CDH13: variants seen among roughly 807,000 people sequenced by gnomAD.
The protein encoded by CDH13 is cadherin 13, also known as cadherin-13.
Under a neutral mutation model 63.8 loss-of-function variants are expected in CDH13, and 24 were observed. The ratio of observed to expected loss-of-function variants is 0.38; its 90% CI spans 0.27 to 0.53. The LOEUF is 0.53. CDH13 is among the 20% of genes least tolerant of loss of function. The pLI, the probability that CDH13 is intolerant of heterozygous loss-of-function variation, is 0.85. For synonymous variants in CDH13, 503 were observed against 355.3 expected (o/e 1.42, Z -4.67); for missense variants, 1,049 against 903.1 (o/e 1.16, Z -2.07).
intron 2 of CDH13, among the ~76,000 whole-genome samples, chr16:82,862,189 G>A (rs940466095): frequency 6.6e-6 from 1 of 152,148 alleles, no homozygotes; most frequent in African/African-American, 2.4e-5. Flanking sequence ...TGATCTGGGA[G>A]CTGACATCTT....
At chr16:82,944,539 T>C (rs896408417) in intron 2 of CDH13, among the ~76,000 whole-genome samples, 1 of 152,066 alleles carries the variant, frequency 6.6e-6, no homozygotes, top group East Asian at 1.9e-4. Flanking sequence ...GTTGTGACAG[T>C]GTGGACCAGG....
chr16:83,601,334 T>C (rs879402209), intron 7 of CDH13, among the ~76,000 whole-genome samples: 11 of 152,192 alleles, frequency 7.2e-5, no homozygotes. Context: ...CTTCTTCATC[T>C]TAGGATCAGG....
intron 1 of CDH13, among the ~76,000 whole-genome samples, chr16:82,632,702 A>G (rs966015478): frequency 7.3e-4 from 95 of 130,492 alleles, no homozygotes; most frequent in Non-Finnish European, 1.0e-3. Flanking sequence ...TCCACGGACT[A>G]GAATTGGGGG....
At chr16:83,791,990 C>T (rs1163139300) in intron 13 of CDH13, among the ~76,000 whole-genome samples, 1 of 152,176 alleles carries the variant, frequency 6.6e-6, no homozygotes, top group Admixed American at 6.5e-5. Context: ...AATACAGTTT[C>T]CTTTGCTATT....
chr16:82,776,315 A>C (rs1413359849), intron 1 of CDH13, among the ~76,000 whole-genome samples: 1 of 151,980 alleles, frequency 6.6e-6, no homozygotes, highest in Non-Finnish European at 1.5e-5. Flanking sequence ...GAAAAGAGAA[A>C]AGAAAAGAAA....
chr16:83,680,788 CA>C (rs911325592), intron 10 of CDH13, among the ~76,000 whole-genome samples: 19 of 151,968 alleles, frequency 1.3e-4, no homozygotes, highest in African/African-American at 4.6e-4. Context: ...TGACTTATGC[CA>C]AAAGGGGTCC....
At chr16:83,590,658 A>G (rs1906645826) in intron 7 of CDH13, among the ~76,000 whole-genome samples, 1 of 152,224 alleles carries the variant, frequency 6.6e-6, no homozygotes, top group Non-Finnish European at 1.5e-5. Context: ...TTCATTTTTC[A>G]TTTAAATTGC....
chr16:83,602,352 G>A (rs1376677856), intron 7 of CDH13, 102 bp from the exon 8 acceptor site: 1 of 1,111,052 alleles, frequency 9.0e-7, no homozygotes, highest in African/African-American at 1.5e-5. Context: ...TACCCTAGAT[G>A]GAGGAGGGGG....
At chr16:83,232,731 C>A (rs1003696953) in intron 5 of CDH13, among the ~76,000 whole-genome samples, 1 of 151,660 alleles carries the variant, frequency 6.6e-6, no homozygotes, top group Non-Finnish European at 1.5e-5. Context: ...AACCGTGAAC[C>A]AATTAAACCT....
chr16:83,730,079 C>T (rs1910872050), intron 10 of CDH13, among the ~76,000 whole-genome samples: 1 of 152,218 alleles, frequency 6.6e-6, no homozygotes, highest in Non-Finnish European at 1.5e-5. Flanking sequence ...TCTTGTCATG[C>T]TGTGTTCATC....
intron 1 of CDH13, among the ~76,000 whole-genome samples, chr16:82,681,198 C>G (rs536539185): frequency 3.6e-4 from 55 of 152,234 alleles, no homozygotes; most frequent in African/African-American, 1.3e-3. Context: ...GAATGAAGTA[C>G]TCTTACATGC....
chr16:83,440,160 C>CA (rs1387372669), intron 6 of CDH13, among the ~76,000 whole-genome samples: 1 of 152,114 alleles, frequency 6.6e-6, no homozygotes, highest in Non-Finnish European at 1.5e-5. Flanking sequence ...AAAGGAGGTT[C>CA]AAAAAGTGAA....
chr16:83,059,448 G>T (rs2031291979), intron 3 of CDH13, among the ~76,000 whole-genome samples: 2 of 152,148 alleles, frequency 1.3e-5, no homozygotes, highest in African/African-American at 4.8e-5. Context: ...TGCTCAAAAA[G>T]AACTGTCCAG....
At chr16:83,628,130 C>A (rs1910481506) in intron 8 of CDH13, among the ~76,000 whole-genome samples, 1 of 152,172 alleles carries the variant, frequency 6.6e-6, no homozygotes, top group Non-Finnish European at 1.5e-5. Context: ...GACCTGTATC[C>A]TGTGCCAACC....
chr16:83,081,988 C>T lies in CDH13; in HGVS notation c.367-43397C>T, dbSNP rs546914891. 2.0e-5 allele frequency among the ~76,000 whole-genome samples: 3 copies of T among 152,154 alleles called. No individual in the cohort carries two copies. The East Asian group carries it at 5.8e-4, about 30-fold the overall frequency. ...GCTAATTTTCTATTTTTAGTAGAGACGGGGTTTCTTCATGTTGGTCAGGCT... is the reference window on the plus strand; with the variant it reads ...GCTAATTTTCTATTTTTAGTAGAGATGGGGTTTCTTCATGTTGGTCAGGCT... On this transcript the variant is annotated intron_variant, in intron 3 of 13. Transcript: ENST00000567109.
intron 10 of CDH13, among the ~76,000 whole-genome samples, chr16:83,693,756 C>T (rs1567520890): frequency 6.6e-6 from 1 of 152,188 alleles, no homozygotes; most frequent in African/African-American, 2.4e-5. Context: ...TTCTAGAGCA[C>T]ACATATAACT....
At chr16:83,232,227 T>TTCTA (rs3049884) in intron 5 of CDH13, among the ~76,000 whole-genome samples, 1 of 67,626 alleles carries the variant, frequency 1.5e-5, no homozygotes, top group African/African-American at 5.3e-5. Flanking sequence ...TTTTTTTTTT[T>TTCTA]AAAAAAAAAA....
intron 1 of CDH13, among the ~76,000 whole-genome samples, chr16:82,753,844 C>G (rs560130088): frequency 6.6e-6 from 1 of 152,302 alleles, no homozygotes; most frequent in East Asian, 1.9e-4. Flanking sequence ...TTGGTCCAGT[C>G]CTGGGCACCC....
intron 10 of CDH13, among the ~76,000 whole-genome samples, chr16:83,686,838 T>C (rs1020137524): frequency 1.3e-5 from 2 of 152,146 alleles, no homozygotes; most frequent in Admixed American, 1.3e-4. Flanking sequence ...GCATGACCAG[T>C]GCTCAGTAAC....
Sources: gnomAD v4.1 joint callset for allele counts (sites outside exome capture counted in the v4.1 genomes callset) on GRCh38, gnomAD v4.1.1 for gene constraint, MANE v1.5 for transcripts, NCBI Gene and HGNC (gene_info 2026-07-23, HGNC 2026-07-21) for gene names.